Variants in TBL1X observed in about 807,000 individuals in gnomAD.
The protein encoded by TBL1X is F-box-like/WD repeat-containing protein TBL1X.
Under a neutral mutation model 50.7 loss-of-function variants are expected in TBL1X, and 10 were observed. The observed-to-expected ratio is 0.20, with a 90% CI of 0.12 to 0.33. TBL1X has a LOEUF of 0.33. Ranked by LOEUF, TBL1X falls within the 10% of genes least tolerant of loss-of-function variation. The pLI is 1.00. For synonymous variants in TBL1X, 190 were observed against 214.7 expected, an observed-to-expected ratio of 0.88 and a Z score of 1.01; for missense variants, 340 against 504.4, an observed-to-expected ratio of 0.67 and a Z score of 3.12.
chrX:9,611,424 CT>C (rs1254478616), intron 2 of TBL1X, among the ~76,000 whole-genome samples: 73 of 112,425 alleles, frequency 6.5e-4, no homozygotes, highest in African/African-American at 2.4e-3. Flanking sequence ...TGATATTCCA[CT>C]TGCTAAAACA....
At chrX:9,709,546 C>T (rs996529809) in intron 14 of TBL1X, 87 bp from the exon 15 acceptor site, 6 of 1,160,558 alleles carry the variant, frequency 5.2e-6, no homozygotes, top group African/African-American at 3.6e-5. Flanking sequence ...CCCTGGGCCC[C>T]GTGTGCACCC....
At chrX:9,530,899 T>TA (rs967483694) in intron 2 of TBL1X, 6 of 111,526 alleles carry the variant, frequency 5.4e-5, no homozygotes, top group Non-Finnish European at 7.5e-5. Context: ...CCTCCCCCTT[T>TA]AAAAAAATGG....
intron 1 of TBL1X, among the ~76,000 whole-genome samples, chrX:9,471,388 CT>C (rs1354601281): frequency 8.9e-6 from 1 of 111,924 alleles, no homozygotes; most frequent in Non-Finnish European, 1.9e-5. Flanking sequence ...GGCCTCAAGC[CT>C]TTTCCTCCCT....
At chrX:9,683,181 C>T (rs2083036119) in intron 5 of TBL1X, among the ~76,000 whole-genome samples, 1 of 111,959 alleles carries the variant, frequency 8.9e-6, no homozygotes, top group African/African-American at 3.3e-5. Flanking sequence ...GCAGCTTCCT[C>T]ATCACCCCCA....
At chrX:9,509,872 G>A (rs754050432) in intron 2 of TBL1X, among the ~76,000 whole-genome samples, 4 of 110,779 alleles carry the variant, frequency 3.6e-5, no homozygotes, top group East Asian at 2.8e-4. Context: ...TGCATGCTGC[G>A]AGTCTGTGTT....
intron 2 of TBL1X, among the ~76,000 whole-genome samples, chrX:9,603,120 T>G (rs887103936): frequency 1.8e-5 from 2 of 112,353 alleles, no homozygotes; most frequent in African/African-American, 6.5e-5. Context: ...TCCTTCTCCT[T>G]TAAGAGAAGC....
At chrX:9,516,209 G>T (rs1341893976) in intron 2 of TBL1X, among the ~76,000 whole-genome samples, 1 of 111,463 alleles carries the variant, frequency 9.0e-6, no homozygotes, top group African/African-American at 3.3e-5. Flanking sequence ...TAAGAACCAA[G>T]GGTCCATAAC....
chrX:9,651,172 C>T (rs187184722), intron 3 of TBL1X, among the ~76,000 whole-genome samples: 3 of 109,513 alleles, frequency 2.7e-5, no homozygotes, highest in African/African-American at 1.0e-4. Flanking sequence ...GGACTACAGG[C>T]GTGCACCACC....
At chrX:9,497,690 A>G (rs1233704732) in intron 1 of TBL1X, among the ~76,000 whole-genome samples, 4 of 109,629 alleles carry the variant, frequency 3.6e-5, no homozygotes, top group African/African-American at 1.3e-4. Context: ...TTCCATTGGG[A>G]GGCTGAGACA....
At chrX:9,553,590 C>T (rs1428100022) in intron 2 of TBL1X, among the ~76,000 whole-genome samples, 1 of 111,379 alleles carries the variant, frequency 9.0e-6, no homozygotes, top group Non-Finnish European at 1.9e-5. Flanking sequence ...AAGATCAGGG[C>T]CTGGGACTTT....
chrX:9,475,603 A>G (rs1429100720), intron 1 of TBL1X, among the ~76,000 whole-genome samples: 3 of 109,592 alleles, frequency 2.7e-5, no homozygotes, highest in African/African-American at 1.0e-4. Flanking sequence ...TTACAGAGTG[A>G]ATAAACATAA....
intron 1 of TBL1X, among the ~76,000 whole-genome samples, chrX:9,484,661 T>G (rs1041511243): frequency 3.7e-4 from 41 of 110,438 alleles, no homozygotes; most frequent in African/African-American, 1.3e-3. Flanking sequence ...CATTCACCAG[T>G]TGTTGAATGT....
At chrX:9,604,107 A>T (rs961221679) in intron 2 of TBL1X, among the ~76,000 whole-genome samples, 1 of 111,708 alleles carries the variant, frequency 9.0e-6, no homozygotes, top group Non-Finnish European at 1.9e-5. Flanking sequence ...AACAGTAGTC[A>T]TGCCCCACCC....
At chrX:9,714,228 G>T (rs2083265151) in intron 16 of TBL1X, among the ~76,000 whole-genome samples, 1 of 112,209 alleles carries the variant, frequency 8.9e-6, no homozygotes, top group African/African-American at 3.2e-5. Flanking sequence ...TGTATATTAT[G>T]CATTTCTTCT....
At chrX:9,530,357 T>C (rs1192238509) in intron 2 of TBL1X, among the ~76,000 whole-genome samples, 3 of 112,627 alleles carry the variant, frequency 2.7e-5, no homozygotes, top group Non-Finnish European at 5.6e-5. Context: ...GTTTGCCTGC[T>C]TCTAATGAAT....
intron 2 of TBL1X, among the ~76,000 whole-genome samples, chrX:9,596,520 C>T (rs1305000820): frequency 1.8e-5 from 2 of 110,828 alleles, no homozygotes; most frequent in East Asian, 2.8e-4. Flanking sequence ...CCAGGGATGC[C>T]GCTCAACATC....
chrX:9,661,605 T>A (rs896874488), intron 5 of TBL1X, among the ~76,000 whole-genome samples: 1 of 111,873 alleles, frequency 8.9e-6, no homozygotes, highest in African/African-American at 3.3e-5. Context: ...TCAGGTGAGT[T>A]AGCCTCAGAG....
At chrX:9,519,632 G>C (rs1368535441) in intron 2 of TBL1X, among the ~76,000 whole-genome samples, 1 of 111,865 alleles carries the variant, frequency 8.9e-6, no homozygotes, top group East Asian at 2.8e-4. Flanking sequence ...TTTTCTTTTT[G>C]AGACATGAAG....
At chrX:9,527,623 T>C (rs1446897572) in intron 2 of TBL1X, among the ~76,000 whole-genome samples, 1 of 111,441 alleles carries the variant, frequency 9.0e-6, no homozygotes, top group Non-Finnish European at 1.9e-5. Flanking sequence ...TTGTTGTCAA[T>C]GGCCAGATAA....
Sources: allele counts gnomAD v4.1 joint callset (sites outside exome capture counted in the v4.1 genomes callset), GRCh38; gene constraint gnomAD v4.1.1; transcripts MANE v1.5; gene names NCBI Gene and HGNC (gene_info 2026-07-23, HGNC 2026-07-21).